Variants in PNLIPRP3 observed in about 807,000 individuals in gnomAD.
PNLIPRP3 encodes the protein pancreatic lipase-related protein 3.
In PNLIPRP3, 58 loss-of-function variants were observed where a neutral mutation model predicts 52.8. That is an observed-to-expected ratio of 1.10 (90% confidence interval 0.89 to 1.37). PNLIPRP3 has a LOEUF of 1.37. Among genes scored for constraint, PNLIPRP3 ranks in the 40% most tolerant of loss-of-function variants. The pLI is 0.00. For synonymous variants in PNLIPRP3, 192 were observed against 185.0 expected, an observed-to-expected ratio of 1.04 and a Z score of -0.31; for missense variants, 593 against 561.6, an observed-to-expected ratio of 1.06 and a Z score of -0.57.
chr10:116,460,392 C>T (rs909727399), intron 5 of PNLIPRP3, among the ~76,000 whole-genome samples: 3 of 152,142 alleles, frequency 2.0e-5, no homozygotes, highest in Non-Finnish European at 2.9e-5. Context: ...TTGAACATGA[C>T]GCAATGGGAT....
At position 116,436,754 on chromosome 10, in the gene PNLIPRP3, T is replaced by C. The variant is rs1430638790; in HGVS notation, c.93T>C (p.Gly31=). The C allele has an allele frequency of 6.8e-6, 11 of 1,613,188 alleles. No homozygotes were observed. Among genetic ancestry groups the C allele is most frequent in the Non-Finnish European group, 8.5e-6 (10 of 1,179,620 alleles). The part of the protein sequence containing the change: ...CYERLGCFKD[G]LPWTRTFSTE... ...AAAGGTTAGGGTGTTTCAAAGATGG[T>C]TTACCATGGACCAGGACTTTCTCAA... The change falls in exon 2 of 12, where the codon GGT becomes GGC. Residue 31 remains glycine, a synonymous_variant. Coordinates refer to ENST00000369230, the MANE Select transcript of PNLIPRP3 (RefSeq NM_001011709.3).
chr10:116,456,504 G>A (rs1374286253), intron 5 of PNLIPRP3, among the ~76,000 whole-genome samples: 1 of 152,168 alleles, frequency 6.6e-6, no homozygotes, highest in Non-Finnish European at 1.5e-5. Context: ...AAAAGAATGA[G>A]TTTGAATCCC....
intron 1 of PNLIPRP3, among the ~76,000 whole-genome samples, chr10:116,435,126 C>A (rs1845757109): frequency 6.6e-6 from 1 of 152,116 alleles, no homozygotes; most frequent in South Asian, 2.1e-4. Context: ...TTGATTGAAG[C>A]CAAAAATATT....
At chr10:116,473,280 G>A (rs552724981) in intron 10 of PNLIPRP3, among the ~76,000 whole-genome samples, 9 of 152,164 alleles carry the variant, frequency 5.9e-5, no homozygotes, top group Non-Finnish European at 1.2e-4. Context: ...CTTCAAACAA[G>A]TTTTATAAGT....
intron 9 of PNLIPRP3, among the ~76,000 whole-genome samples, chr10:116,471,455 A>G (rs1157215152): frequency 2.6e-5 from 4 of 152,238 alleles, no homozygotes; most frequent in Admixed American, 2.6e-4. Context: ...ATACAAAGGA[A>G]ATAGGCAAAA....
At chr10:116,439,018 A>G (rs964111834) in intron 2 of PNLIPRP3, among the ~76,000 whole-genome samples, 1 of 152,190 alleles carries the variant, frequency 6.6e-6, no homozygotes, top group Admixed American at 6.5e-5. Context: ...TTTATAGGAG[A>G]TATCTGGAGC....
At position 116,462,154 on chromosome 10, in the gene PNLIPRP3, T is replaced by C. The variant is rs144607078; in HGVS notation, c.808+864T>C. ...ATGCTGTAATTACAAATTAAACAAGTAGTATTTAACTTTTTATAGTAGTTT... is the reference window on the plus strand; with the variant it reads ...ATGCTGTAATTACAAATTAAACAAGCAGTATTTAACTTTTTATAGTAGTTT... On this transcript the variant is annotated intron_variant, in intron 7 of 11. Coordinates refer to ENST00000369230, the MANE Select transcript of PNLIPRP3 (RefSeq NM_001011709.3). 1.3e-3 allele frequency among the ~76,000 whole-genome samples: 196 copies of C among 152,224 alleles called. 1 individual carries two copies. Among genetic ancestry groups the C allele is most frequent in the African/African-American group, 4.5e-3 (187 of 41,548 alleles).
chr10:116,441,604 T>G (rs1845859421), intron 2 of PNLIPRP3, among the ~76,000 whole-genome samples: 2 of 152,166 alleles, frequency 1.3e-5, no homozygotes, highest in Non-Finnish European at 2.9e-5. Flanking sequence ...AGATGATTGA[T>G]TTTATTGCTC....
At chr10:116,460,450 G>A (rs1451177779) in intron 5 of PNLIPRP3, among the ~76,000 whole-genome samples, 1 of 152,180 alleles carries the variant, frequency 6.6e-6, no homozygotes, top group East Asian at 1.9e-4. Context: ...TCTAACACAT[G>A]ATAACCTTGT....
chr10:116,429,481 AAC>A (rs945572659), intron 1 of PNLIPRP3, among the ~76,000 whole-genome samples: 15 of 152,212 alleles, frequency 9.9e-5, no homozygotes, highest in African/African-American at 3.6e-4. Flanking sequence ...AAGAAAACAA[AAC>A]ACAGAGAGAT....
At chr10:116,455,450 G>C (rs923311487) in intron 4 of PNLIPRP3, among the ~76,000 whole-genome samples, 2 of 152,170 alleles carry the variant, frequency 1.3e-5, no homozygotes, top group Non-Finnish European at 2.9e-5. Flanking sequence ...GAATATAGTT[G>C]TTAGGGCTGT....
At chr10:116,477,011 A>G (rs960626053) in intron 11 of PNLIPRP3, 79 bp from the exon 12 acceptor site, 37 of 1,287,546 alleles carry the variant, frequency 2.9e-5, no homozygotes, top group Non-Finnish European at 3.8e-5. Context: ...ATTACTCATT[A>G]AATCGGGGGA....
intron 1 of PNLIPRP3, among the ~76,000 whole-genome samples, chr10:116,429,345 C>A (rs1321534329): frequency 1.3e-5 from 2 of 152,150 alleles, no homozygotes; most frequent in Non-Finnish European, 2.9e-5. Flanking sequence ...ATCTGAAACA[C>A]TTCTGGTCCC....
rs576725148 is a variant in PNLIPRP3, at chr10:116,446,317, G to A, written c.456+1804G>A. Among the ~76,000 whole-genome samples the A allele has an allele frequency of 6.3e-4, 79 of 126,362 alleles. 1 individual carries two copies. The highest frequency in any genetic ancestry group is 1.1e-3 in the Non-Finnish European group (70 of 64,418). 82.9% of individuals were successfully genotyped at this position (126,362 alleles called of 152,430 possible). On this transcript the variant is annotated intron_variant, in intron 4 of 11. Transcript: ENST00000369230. Reference sequence around the variant, plus strand: ...GCCGAGATGGCGCCGCTGCACTCCAGCTTGGGCCAGAGTGCGACGCTGCGT... The same window carrying A: ...GCCGAGATGGCGCCGCTGCACTCCAACTTGGGCCAGAGTGCGACGCTGCGT...
chr10:116,452,758 A>C (rs1310930861), intron 4 of PNLIPRP3, among the ~76,000 whole-genome samples: 8 of 152,362 alleles, frequency 5.3e-5, no homozygotes, highest in Middle Eastern at 3.4e-3. Context: ...CTCAGAGTGC[A>C]AGTGTGAAGG....
intron 6 of PNLIPRP3, 25 bp downstream of exon 6, chr10:116,461,110 T>C (rs1846185556): frequency 6.2e-7 from 1 of 1,614,022 alleles, no homozygotes; most frequent in African/African-American, 1.3e-5. Flanking sequence ...AATCAGAAAC[T>C]TCATTGAAGC....
intron 11 of PNLIPRP3, 109 bp downstream of exon 11, chr10:116,476,928 G>T: frequency 1.6e-6 from 2 of 1,289,214 alleles, no homozygotes; most frequent in South Asian, 1.6e-5. Flanking sequence ...TATAGACTTT[G>T]AAATTTTGCA....
At chr10:116,439,260 G>A (rs1453149121) in intron 2 of PNLIPRP3, among the ~76,000 whole-genome samples, 1 of 151,978 alleles carries the variant, frequency 6.6e-6, no homozygotes, top group Non-Finnish European at 1.5e-5. Context: ...ACAGTTTCAG[G>A]GTGCTCCAGA....
chr10:116,468,991 G>A (rs1291596910), intron 8 of PNLIPRP3, among the ~76,000 whole-genome samples, 194 bp from the exon 9 acceptor site: 2 of 152,126 alleles, frequency 1.3e-5, no homozygotes, highest in Non-Finnish European at 2.9e-5. Context: ...TTCTAATAGG[G>A]AGTTTCTCTT....
Sources: gnomAD v4.1 joint callset for allele counts (sites outside exome capture counted in the v4.1 genomes callset) on GRCh38, gnomAD v4.1.1 for gene constraint, MANE v1.5 for transcripts, NCBI Gene and HGNC (gene_info 2026-07-23, HGNC 2026-07-21) for gene names.